Variants in SORL1 observed in about 807,000 individuals in gnomAD.
SORL1 encodes sortilin-related receptor.
SORL1 carries 127 observed loss-of-function variants against 273.7 expected under a neutral mutation model. The observed-to-expected ratio is 0.46, with a 90% CI of 0.40 to 0.54. SORL1 has a LOEUF of 0.54. SORL1 is among the 20% of genes least tolerant of loss of function. SORL1 has a pLI of 0.00. For missense variants in SORL1, 2,494 were observed against 2,846.1 expected (o/e 0.88, Z 2.81); for synonymous variants, 1,031 against 1,067.4 (o/e 0.97, Z 0.66).
At chr11:121,522,786 C>T in intron 10 of SORL1, 83 bp downstream of exon 10, 1 of 1,356,554 alleles carries the variant, frequency 7.4e-7, no homozygotes, top group Non-Finnish European at 1.1e-6. Context: ...CCCACACCTC[C>T]AGCAGTAACC....
intron 40 of SORL1, chr11:121,614,468 AATTAC>A (rs1162848583): frequency 5.7e-6 from 1 of 174,334 alleles, no homozygotes; most frequent in Non-Finnish European, 1.2e-5. Context: ...TAGACAATCA[AATTAC>A]ATTCAGTTTT....
chr11:121,557,810 T>C (rs1032239077), intron 19 of SORL1, among the ~76,000 whole-genome samples: 7 of 152,242 alleles, frequency 4.6e-5, no homozygotes, highest in African/African-American at 1.7e-4. Context: ...GTACAATCAG[T>C]GTGCACTTGG....
rs529076040 is a variant in SORL1 at position 121,578,491 on chromosome 11, A to G, written c.3580+1091A>G. Among the ~76,000 whole-genome samples the G allele has an allele frequency of 9.9e-4, 151 of 152,376 alleles. 1 individual carries two copies. The highest frequency in any genetic ancestry group is 3.3e-3 in the African/African-American group (139 of 41,584). ...AATACAAAGAAGGTACATCTGTTATATCTCAGACCTAAGGATAAATAACTG... is the reference window on the plus strand; with the variant it reads ...AATACAAAGAAGGTACATCTGTTATGTCTCAGACCTAAGGATAAATAACTG... On this transcript the variant is annotated intron_variant, in intron 25 of 47. Coordinates refer to ENST00000260197, the MANE Select transcript of SORL1 (RefSeq NM_003105.6).
intron 21 of SORL1, among the ~76,000 whole-genome samples, chr11:121,562,267 T>C (rs1272581180): frequency 6.6e-6 from 1 of 152,202 alleles, no homozygotes; most frequent in Non-Finnish European, 1.5e-5. Context: ...AGGTGACTCC[T>C]CTAAGAAAGA....
Position 121,586,219 on chromosome 11 carries a change from C to T in SORL1, c.3707-3C>T, listed in dbSNP as rs770725292. ...TCTTCTGTGTTGTTGAATTCTATTT[C>T]AGAGAAGAAGTGCAATGGATTCCGC... On this transcript the variant is annotated splice_polypyrimidine_tract_variant and splice_region_variant and intron_variant, in intron 26 of 47. Transcript: ENST00000260197. 1.2e-6 allele frequency: 2 copies of T among 1,607,448 alleles called. No homozygotes were observed. The highest frequency in any genetic ancestry group is 2.2e-5 in the East Asian group (1 of 44,874).
At chr11:121,574,143 C>A in intron 23 of SORL1, 98 bp from the exon 24 acceptor site, 2 of 1,205,994 alleles carry the variant, frequency 1.7e-6, no homozygotes, top group Non-Finnish European at 2.4e-6. Context: ...TTAATACCTG[C>A]TTTCTTCTAT....
intron 1 of SORL1, among the ~76,000 whole-genome samples, chr11:121,461,247 G>C (rs1267064010): frequency 1.3e-5 from 2 of 152,142 alleles, no homozygotes; most frequent in African/African-American, 2.4e-5. Context: ...TGTGCTGTTG[G>C]TGGTGGTGGT....
At chr11:121,549,044 C>G (rs149405220) in intron 14 of SORL1, among the ~76,000 whole-genome samples, 9 of 152,160 alleles carry the variant, frequency 5.9e-5, no homozygotes, top group African/African-American at 2.2e-4. Context: ...GTTTTAGAAT[C>G]GTCTTCGACT....
chr11:121,546,644 T>C (rs922170466), intron 14 of SORL1, among the ~76,000 whole-genome samples: 3 of 152,218 alleles, frequency 2.0e-5, no homozygotes, highest in African/African-American at 4.8e-5. Flanking sequence ...ATATAGTAAA[T>C]GTTTTAGACT....
intron 41 of SORL1, among the ~76,000 whole-genome samples, chr11:121,615,572 A>T (rs1162916153): frequency 6.6e-6 from 1 of 152,036 alleles, no homozygotes; most frequent in Non-Finnish European, 1.5e-5. Flanking sequence ...CCTTGAAGGG[A>T]AGGATTGTTT....
At chr11:121,499,026 T>C (rs1861672343) in intron 6 of SORL1, among the ~76,000 whole-genome samples, 3 of 152,146 alleles carry the variant, frequency 2.0e-5, no homozygotes, top group Admixed American at 1.3e-4. Flanking sequence ...TTAGGGGTCA[T>C]GTTTGTTTTG....
At chr11:121,456,557 A>G (rs1860908994) in intron 1 of SORL1, among the ~76,000 whole-genome samples, 1 of 152,214 alleles carries the variant, frequency 6.6e-6, no homozygotes, top group Admixed American at 6.5e-5. Context: ...TGGCCTACAG[A>G]TAGTGGAGCC....
At chr11:121,455,646 AT>A (rs1364553145) in intron 1 of SORL1, among the ~76,000 whole-genome samples, 1 of 152,230 alleles carries the variant, frequency 6.6e-6, no homozygotes, top group Non-Finnish European at 1.5e-5. Context: ...TTAAAGGCAC[AT>A]TTATGATACT....
rs746097806 is a variant in SORL1 at position 121,567,109 on chromosome 11, A to G, written c.3219A>G (p.Lys1073=). 5 of 1,611,776 alleles carry G rather than the reference A, an allele frequency of 3.1e-6. No individual in the cohort carries two copies. Among genetic ancestry groups the G allele is most frequent in the Middle Eastern group, 1.7e-4 (1 of 6,046 alleles). ...GYQLKNNTCV[K]QENTCLRNQY... is the part of the protein sequence containing the mutation. The stretch of plus-strand genomic sequence containing the variant: ...AGCTCAAGAACAATACCTGTGTCAA[A>G]CAAGGTACTTCCCTTTTTCTTTTTT... Residue 1073 remains lysine, a synonymous_variant, in exon 22 of 48, where the codon AAA becomes AAG. Transcript: ENST00000260197.
intron 6 of SORL1, among the ~76,000 whole-genome samples, chr11:121,502,917 TGGAGTACAGC>T (rs1051433512): frequency 2.7e-4 from 41 of 152,302 alleles, no homozygotes; most frequent in African/African-American, 8.9e-4. Flanking sequence ...TCACCCAGGC[TGGAGTACAGC>T]GGAGCGATTG....
intron 45 of SORL1, among the ~76,000 whole-genome samples, chr11:121,623,228 A>T (rs1195942017): frequency 6.6e-6 from 1 of 152,258 alleles, no homozygotes; most frequent in African/African-American, 2.4e-5. Flanking sequence ...CCGGTAATCT[A>T]AATAACAAAG....
chr11:121,503,949 T>C (rs762624152), intron 6 of SORL1, among the ~76,000 whole-genome samples: 7 of 152,218 alleles, frequency 4.6e-5, no homozygotes, highest in Non-Finnish European at 1.0e-4. Flanking sequence ...AGGATTTTGA[T>C]AGAGATTGAT....
At chr11:121,628,355 C>T (rs560912291) in intron 47 of SORL1, among the ~76,000 whole-genome samples, 1 of 152,294 alleles carries the variant, frequency 6.6e-6, no homozygotes, top group Non-Finnish European at 1.5e-5. Flanking sequence ...GAGACTGTTC[C>T]ACCTCAGATC....
chr11:121,620,804 C>T (rs946121235), intron 43 of SORL1, among the ~76,000 whole-genome samples: 4 of 152,150 alleles, frequency 2.6e-5, no homozygotes, highest in East Asian at 1.9e-4. Context: ...GCTGATGTCA[C>T]GATAAATGTG....
Sources: allele counts gnomAD v4.1 joint callset (sites outside exome capture counted in the v4.1 genomes callset), GRCh38; gene constraint gnomAD v4.1.1; transcripts MANE v1.5; gene names NCBI Gene and HGNC (gene_info 2026-07-23, HGNC 2026-07-21).